Variants in ENTREP2 observed in about 807,000 individuals in gnomAD.
ENTREP2 encodes the protein protein ENTREP2.
At chr15:29,573,636 TC>T in the ENTREP2 span, among the ~76,000 whole-genome samples, 1 of 139,868 alleles carries the variant, frequency 7.1e-6, no homozygotes, top group Non-Finnish European at 1.5e-5. Context: ...CTCTTCTCTC[TC>T]TCTCCCCCCC....
At chr15:29,248,628 T>A in the ENTREP2 span, among the ~76,000 whole-genome samples, 6 of 152,184 alleles carry the variant, frequency 3.9e-5, no homozygotes, top group Non-Finnish European at 5.9e-5. Flanking sequence ...TAAGCTTATG[T>A]ATATGCAATT....
At chr15:29,478,019 A>ATAT in the ENTREP2 span, among the ~76,000 whole-genome samples, 152 of 54,308 alleles carry the variant, frequency 2.8e-3, 1 homozygote, top group Non-Finnish European at 3.9e-3. Context: ...ATATATATAT[A>ATAT]TTTTTTTTTT....
the ENTREP2 span, among the ~76,000 whole-genome samples, chr15:29,141,538 G>A: frequency 1.5e-3 from 221 of 152,288 alleles, 4 homozygotes; most frequent in East Asian, 0.037. Flanking sequence ...TGAGCTGCCT[G>A]TTCCTCCAGG....
chr15:29,307,353 T>C, the ENTREP2 span, among the ~76,000 whole-genome samples: 1 of 152,082 alleles, frequency 6.6e-6, no homozygotes, highest in Non-Finnish European at 1.5e-5. Context: ...ATAATTGACA[T>C]TGCTTTCTAT....
the ENTREP2 span, among the ~76,000 whole-genome samples, chr15:29,400,378 TA>T: frequency 2.0e-5 from 3 of 152,186 alleles, no homozygotes; most frequent in Non-Finnish European, 4.4e-5. Flanking sequence ...AAGGAATCCT[TA>T]AACATCTACT....
chr15:29,292,444 G>C, the ENTREP2 span, among the ~76,000 whole-genome samples: 1 of 151,558 alleles, frequency 6.6e-6, no homozygotes, highest in African/African-American at 2.4e-5. Flanking sequence ...ACAATGGCAC[G>C]GTCTTAGCTC....
At chr15:29,460,359 G>A in the ENTREP2 span, among the ~76,000 whole-genome samples, 7 of 152,168 alleles carry the variant, frequency 4.6e-5, no homozygotes, top group African/African-American at 9.7e-5. Context: ...GCCTGGGTGC[G>A]GTGGCTCATG....
chr15:29,485,105 T>C, the ENTREP2 span, among the ~76,000 whole-genome samples: 3 of 152,044 alleles, frequency 2.0e-5, no homozygotes, highest in African/African-American at 7.3e-5. Context: ...CAAGGGTCCA[T>C]CCTCCACAAA....
chr15:29,542,505 T>C, the ENTREP2 span, among the ~76,000 whole-genome samples: 65,595 of 151,046 alleles, frequency 0.43, 15,035 homozygotes, highest in African/African-American at 0.6. Flanking sequence ...GGGGTTTCAC[T>C]GTGTTAGCCA....
the ENTREP2 span, among the ~76,000 whole-genome samples, chr15:29,535,125 C>A: frequency 1.3e-5 from 2 of 152,048 alleles, no homozygotes; most frequent in African/African-American, 4.8e-5. Flanking sequence ...TGGGGCAAGC[C>A]TGTAGTCCTA....
the ENTREP2 span, among the ~76,000 whole-genome samples, chr15:29,627,983 C>T: frequency 1.3e-5 from 2 of 152,070 alleles, no homozygotes; most frequent in East Asian, 3.9e-4. Context: ...CTTTCCATTC[C>T]GTGTAAGTAT....
At chr15:29,267,357 G>A in the ENTREP2 span, 1 of 152,206 alleles carries the variant, frequency 6.6e-6, no homozygotes, top group Non-Finnish European at 1.5e-5. Context: ...ACACGTAATG[G>A]AGGAACACAA....
the ENTREP2 span, among the ~76,000 whole-genome samples, chr15:29,667,392 G>A: frequency 6.7e-6 from 1 of 149,120 alleles, no homozygotes; most frequent in Non-Finnish European, 1.5e-5. Context: ...GTTTCACCAT[G>A]TTAGCCAGGA....
the ENTREP2 span, among the ~76,000 whole-genome samples, chr15:29,255,487 C>A: frequency 6.6e-6 from 1 of 152,082 alleles, no homozygotes; most frequent in Non-Finnish European, 1.5e-5. Flanking sequence ...AAAAGCAGAA[C>A]GACCATTCGA....
chr15:29,277,378 A>G, the ENTREP2 span, among the ~76,000 whole-genome samples: 3 of 152,244 alleles, frequency 2.0e-5, no homozygotes, highest in South Asian at 6.2e-4. Flanking sequence ...GAGCTAATCA[A>G]TCTGGTGATT....
At chr15:29,474,519 C>A in the ENTREP2 span, among the ~76,000 whole-genome samples, 13 of 152,236 alleles carry the variant, frequency 8.5e-5, no homozygotes, top group Non-Finnish European at 1.9e-4. Flanking sequence ...GACTTAGGTA[C>A]CTCCTTGGCC....
At chr15:29,365,146 A>G in the ENTREP2 span, among the ~76,000 whole-genome samples, 7 of 152,096 alleles carry the variant, frequency 4.6e-5, no homozygotes, top group Non-Finnish European at 1.0e-4. Flanking sequence ...CCAGAATGTC[A>G]TATGGTTGGA....
chr15:29,548,116 C>G, the ENTREP2 span, among the ~76,000 whole-genome samples: 3 of 151,806 alleles, frequency 2.0e-5, no homozygotes, highest in African/African-American at 7.3e-5. Flanking sequence ...TGGGGGTTAG[C>G]TGCACAACAG....
At chr15:29,617,430 T>C in the ENTREP2 span, among the ~76,000 whole-genome samples, 1 of 152,144 alleles carries the variant, frequency 6.6e-6, no homozygotes, top group Admixed American at 6.5e-5. Context: ...AGTCAATGGA[T>C]TCAAATGCCA....
Sources: allele counts gnomAD v4.1 joint callset (sites outside exome capture counted in the v4.1 genomes callset), GRCh38; gene constraint gnomAD v4.1.1; transcripts MANE v1.5; gene names NCBI Gene and HGNC (gene_info 2026-07-23, HGNC 2026-07-21).